PPM1B: variants seen among roughly 807,000 people sequenced by gnomAD.
PPM1B encodes the protein protein phosphatase 1B.
Under a neutral mutation model 43.0 loss-of-function variants are expected in PPM1B, and 22 were observed. The observed-to-expected ratio is 0.51, with a 90% CI of 0.37 to 0.73. The LOEUF (loss-of-function observed/expected upper bound fraction) is 0.73. Ranked by LOEUF, PPM1B falls within the 30% of genes least tolerant of loss-of-function variation. PPM1B has a pLI of 0.00. For synonymous variants in PPM1B, 217 were observed against 197.9 expected, an observed-to-expected ratio of 1.10 and a Z score of -0.81; for missense variants, 632 against 584.2, an observed-to-expected ratio of 1.08 and a Z score of -0.84.
intron 1 of PPM1B, among the ~76,000 whole-genome samples, chr2:44,184,616 A>G (rs7568986): frequency 0.16 from 24,183 of 152,000 alleles, 2,054 homozygotes; most frequent in South Asian, 0.24. Flanking sequence ...CACTGGACAT[A>G]TAATAGACAT....
At chr2:44,178,580 G>T (rs1572684084) in intron 1 of PPM1B, among the ~76,000 whole-genome samples, 1 of 151,558 alleles carries the variant, frequency 6.6e-6, no homozygotes, top group Non-Finnish European at 1.5e-5. Flanking sequence ...CGATACTCCT[G>T]TTTCAGCCTC....
chr2:44,204,830 G>T (rs1165940536), intron 2 of PPM1B, among the ~76,000 whole-genome samples: 1 of 128,888 alleles, frequency 7.8e-6, no homozygotes. Flanking sequence ...CTGCACTCCA[G>T]TCTGGGTGAC....
intron 5 of PPM1B, chr2:44,244,195 TA>T: frequency 8.9e-7 from 1 of 1,119,156 alleles, no homozygotes; most frequent in South Asian, 1.8e-5. Context: ...ACCATATATA[TA>T]TATATATTTC....
At chr2:44,221,917 C>G (rs112898973) in intron 5 of PPM1B, among the ~76,000 whole-genome samples, 1,771 of 152,112 alleles carry the variant, frequency 0.012, 25 homozygotes, top group African/African-American at 0.039. Flanking sequence ...GTGTTCCATA[C>G]TAAACTAACT....
Position 44,201,944 on chromosome 2 carries a change from A to ATGAGTAATGAGGAGC in PPM1B, c.747_761dup (p.Ser250_Leu254dup). On this transcript the variant is annotated inframe_insertion, in exon 2 of 6. Transcript: ENST00000282412. This position sits in a 1 kb window ranked among gnomAD's most constrained non-coding sequence, Gnocchi z 5.4. ...GGCTTGTGATGGGATCTGGGATGTT[A>ATGAGTAATGAGGAGC]TGAGTAATGAGGAGCTCTGTGAATA... The ATGAGTAATGAGGAGC allele has an allele frequency of 6.2e-7, 1 of 1,614,132 alleles. No individual in the cohort carries two copies. Among genetic ancestry groups the ATGAGTAATGAGGAGC allele is most frequent in the Non-Finnish European group, 8.5e-7 (1 of 1,180,004 alleles).
At chr2:44,240,929 G>T (rs1460679582) in intron 5 of PPM1B, among the ~76,000 whole-genome samples, 2 of 145,764 alleles carry the variant, frequency 1.4e-5, no homozygotes, top group African/African-American at 4.9e-5. Flanking sequence ...TGTCTTGTAT[G>T]TAAATTTGTC....
At chr2:44,209,421 G>A (rs1669350561) in intron 3 of PPM1B, 94 bp downstream of exon 3, 1 of 1,352,410 alleles carries the variant, frequency 7.4e-7, no homozygotes, top group South Asian at 1.5e-5. Flanking sequence ...GACACACCAA[G>A]GCTCTGTCTC....
rs1572761415 is a variant in PPM1B, at chr2:44,231,211, GTGT to G, written c.*498_*500del. 1 of 984,290 alleles carries G rather than the reference GTGT, an allele frequency of 1.0e-6. No individual in the cohort carries two copies. Among genetic ancestry groups the G allele is most frequent in the African/African-American group, 1.7e-5 (1 of 57,312 alleles). 61.0% of individuals were successfully genotyped at this position (984,290 alleles called of 1,614,324 possible). A position where few individuals can be genotyped will look rare whatever the true frequency, so the allele number is the denominator to read the frequency against. ...TTTTCTTTCAAGGATGATAATTTGT[GTGT>G]TGTTTGATTTGTTTATATTTTACAT... On this transcript the variant is annotated 3_prime_UTR_variant, in exon 6 of 6. Coordinates refer to ENST00000282412, the MANE Select transcript of PPM1B (RefSeq NM_002706.6).
downstream of PPM1B, among the ~76,000 whole-genome samples, chr2:44,239,596 T>A (rs1408233501): frequency 6.6e-6 from 1 of 152,148 alleles, no homozygotes; most frequent in East Asian, 1.9e-4. Context: ...GTAACAAGGC[T>A]GAGGGGAGGC....
At chr2:44,233,536 A>G (rs1188374785), downstream of PPM1B, 1 of 985,146 alleles carries the variant, frequency 1.0e-6, no homozygotes, top group South Asian at 4.7e-5. Context: ...GAATGTATCC[A>G]TTTGTACATG....
rs79958022 is a variant in PPM1B, at chr2:44,212,333, C to T, written c.964+3006C>T. On this transcript the variant is annotated intron_variant, in intron 3 of 5. Transcript: ENST00000282412. ...TACTGTCAACCCAACAAATCTGTCACGGCTAACTCTCATGCATATGCCTTC... is the reference window on the plus strand; with the variant it reads ...TACTGTCAACCCAACAAATCTGTCATGGCTAACTCTCATGCATATGCCTTC... Among the ~76,000 whole-genome samples the T allele has an allele frequency of 4.2e-3, 634 of 152,232 alleles. 2 individuals carry two copies. Among genetic ancestry groups the T allele is most frequent in the African/African-American group, 0.014 (597 of 41,534 alleles).
chr2:44,236,469 G>C (rs1290779086), downstream of PPM1B, among the ~76,000 whole-genome samples: 1 of 145,436 alleles, frequency 6.9e-6, no homozygotes, highest in South Asian at 2.2e-4. Flanking sequence ...TAATGGCGCT[G>C]TCTTGCTAGT....
intron 1 of PPM1B, among the ~76,000 whole-genome samples, chr2:44,197,364 C>T (rs1668712872): frequency 6.6e-6 from 1 of 152,214 alleles, no homozygotes; most frequent in Non-Finnish European, 1.5e-5. Context: ...AGTGATTCTC[C>T]TACCTTGGCC....
chr2:44,192,853 T>C (rs766268840), intron 1 of PPM1B, among the ~76,000 whole-genome samples: 12 of 152,262 alleles, frequency 7.9e-5, no homozygotes, highest in Non-Finnish European at 1.8e-4. Flanking sequence ...TTACTTAGCA[T>C]AATATCCTCC....
In PPM1B at chr2:44,218,460, A is replaced by G; in HGVS notation, c.1077-20A>G. On this transcript the variant is annotated intron_variant, in intron 4 of 5. Transcript: ENST00000282412. The stretch of plus-strand genomic sequence containing the variant: ...ATTCTGTGTAATTTAATAAAACTAA[A>G]GCATGTTTTTTTTTTTTAGGCGTAA... The G allele has an allele frequency of 6.6e-7, 1 of 1,514,320 alleles. No homozygotes were observed. The highest frequency in any genetic ancestry group is 9.0e-7 in the Non-Finnish European group (1 of 1,109,332). The allele number at this position is 1,514,320 out of a possible 1,614,324, so 93.8% of individuals were successfully genotyped here.
intron 1 of PPM1B, among the ~76,000 whole-genome samples, chr2:44,185,554 T>C (rs937264044): frequency 3.3e-5 from 5 of 152,228 alleles, no homozygotes; most frequent in African/African-American, 1.2e-4. Context: ...ACTGTTGTCC[T>C]GAGTTTGAAA....
chr2:44,186,814 C>T (rs995233042), intron 1 of PPM1B, among the ~76,000 whole-genome samples: 2 of 152,230 alleles, frequency 1.3e-5, no homozygotes, highest in East Asian at 3.8e-4. Context: ...TATTTGGATT[C>T]TTCTTTTTGT....
intron 3 of PPM1B, among the ~76,000 whole-genome samples, chr2:44,215,412 G>A (rs1282920222): frequency 6.6e-6 from 1 of 151,998 alleles, no homozygotes; most frequent in Non-Finnish European, 1.5e-5. Flanking sequence ...GAGCTATGAT[G>A]GCACCACTGC....
At chr2:44,179,780 G>A (rs1030120292) in intron 1 of PPM1B, among the ~76,000 whole-genome samples, 5 of 152,016 alleles carry the variant, frequency 3.3e-5, no homozygotes, top group Admixed American at 1.3e-4. Flanking sequence ...AGGCCGAGGC[G>A]GGTGGATCAC....
Sources: allele counts gnomAD v4.1 joint callset (sites outside exome capture counted in the v4.1 genomes callset), GRCh38; gene constraint gnomAD v4.1.1; non-coding constraint Gnocchi (gnomAD v3.1); transcripts MANE v1.5; gene names NCBI Gene and HGNC (gene_info 2026-07-23, HGNC 2026-07-21).